PDGFRL: variants seen among roughly 807,000 people sequenced by gnomAD.
The protein encoded by PDGFRL is platelet derived growth factor receptor like.
A neutral mutation model predicts 37.2 loss-of-function variants in PDGFRL; 46 were observed. That is an observed-to-expected ratio of 1.24 (90% CI 0.98 to 1.58). The LOEUF (loss-of-function observed/expected upper bound fraction) is 1.58, where lower values mean the gene tolerates loss of function less well. Ranked by LOEUF, PDGFRL falls within the 40% of genes most tolerant of loss-of-function variation. The pLI, the probability that PDGFRL is intolerant of heterozygous loss-of-function variation, is 0.00. For synonymous variants in PDGFRL, 251 were observed against 184.3 expected (o/e 1.36, Z -2.93); for missense variants, 692 against 467.6 (o/e 1.48, Z -4.43).
At chr8:17,605,385 TTTG>T (rs1330790418) in intron 2 of PDGFRL, among the ~76,000 whole-genome samples, 3 of 152,230 alleles carry the variant, frequency 2.0e-5, no homozygotes, top group African/African-American at 4.8e-5. Flanking sequence ...TTTCTTGCAT[TTTG>T]TTGATAATAT....
rs568506854 is a variant in PDGFRL at position 17,581,128 on chromosome 8, A to G, written c.55+3821A>G. On this transcript the variant is annotated intron_variant, in intron 1 of 5. Transcript: ENST00000251630. ...TCAGCATATCTTTTTAGGGGACACA[A>G]TTCAACCAGTAAGACAGGGTGAGAC... is the stretch of plus-strand genomic sequence containing the variant. 2.1e-4 allele frequency among the ~76,000 whole-genome samples: 32 copies of G among 152,240 alleles called. 1 individual carries two copies. Among genetic ancestry groups the G allele is most frequent in the African/African-American group, 7.0e-4 (29 of 41,528 alleles).
At chr8:17,621,308 A>C (rs1178917125) in intron 3 of PDGFRL, 106 bp downstream of exon 3, 1 of 685,924 alleles carries the variant, frequency 1.5e-6, no homozygotes, top group Non-Finnish European at 2.4e-6. Context: ...CAATCAGAGC[A>C]CTTCCTGTTT....
intron 1 of PDGFRL, among the ~76,000 whole-genome samples, chr8:17,577,619 G>A (rs1296456409): frequency 3.3e-5 from 5 of 151,988 alleles, no homozygotes; most frequent in Admixed American, 1.3e-4. Context: ...CCAGCCCCCA[G>A]TGTCAACGTG....
intron 2 of PDGFRL, among the ~76,000 whole-genome samples, chr8:17,604,639 G>A (rs1393890269): frequency 1.1e-4 from 17 of 152,118 alleles, no homozygotes; most frequent in Admixed American, 1.1e-3. Context: ...AATGCTAAAT[G>A]ACGAGTTAAT....
At chr8:17,611,250 C>T (rs1804405917) in intron 2 of PDGFRL, among the ~76,000 whole-genome samples, 1 of 152,158 alleles carries the variant, frequency 6.6e-6, no homozygotes, top group Non-Finnish European at 1.5e-5. Context: ...ACTCTTGGCA[C>T]TTGTACTTAA....
intron 5 of PDGFRL, among the ~76,000 whole-genome samples, chr8:17,634,538 A>G (rs1306816565): frequency 2.6e-5 from 4 of 151,944 alleles, no homozygotes; most frequent in Non-Finnish European, 5.9e-5. Context: ...TTGCAGCGCC[A>G]TTCACAATAC....
intron 2 of PDGFRL, among the ~76,000 whole-genome samples, chr8:17,616,783 A>C (rs1293388080): frequency 6.6e-6 from 1 of 152,106 alleles, no homozygotes; most frequent in Admixed American, 6.6e-5. Flanking sequence ...TGTCCTCTCC[A>C]GCACCTCCCA....
intron 3 of PDGFRL, among the ~76,000 whole-genome samples, chr8:17,626,911 G>C (rs1384046423): frequency 2.6e-5 from 4 of 152,192 alleles, no homozygotes; most frequent in African/African-American, 7.2e-5. Flanking sequence ...AGAGGAAATG[G>C]GGGGAGATAA....
At chr8:17,602,665 TAC>T (rs1804190938) in intron 2 of PDGFRL, among the ~76,000 whole-genome samples, 4 of 152,190 alleles carry the variant, frequency 2.6e-5, no homozygotes, top group Admixed American at 2.6e-4. Flanking sequence ...GAAAACCTGA[TAC>T]TGGGCTATTT....
chr8:17,623,463 C>G (rs886879793), intron 3 of PDGFRL, among the ~76,000 whole-genome samples: 1 of 152,166 alleles, frequency 6.6e-6, no homozygotes, highest in African/African-American at 2.4e-5. Context: ...ATGACTGATT[C>G]CACATTTCAA....
chr8:17,578,933 C>T (rs1007973423), intron 1 of PDGFRL, among the ~76,000 whole-genome samples: 2 of 152,220 alleles, frequency 1.3e-5, no homozygotes, highest in African/African-American at 4.8e-5. Flanking sequence ...GGCACAGTGG[C>T]TCATGCCTGT....
chr8:17,616,953 A>G (rs1169546105), intron 2 of PDGFRL, among the ~76,000 whole-genome samples: 2 of 152,168 alleles, frequency 1.3e-5, no homozygotes, highest in Non-Finnish European at 2.9e-5. Flanking sequence ...AGTAAGATGC[A>G]CCGGTCCCTA....
chr8:17,579,544 TTTA>T (rs758303902), intron 1 of PDGFRL, among the ~76,000 whole-genome samples: 1 of 130,262 alleles, frequency 7.7e-6, no homozygotes, highest in East Asian at 2.6e-4. Context: ...TTATTATTAT[TTTA>T]TTATTATTGT....
intron 3 of PDGFRL, among the ~76,000 whole-genome samples, chr8:17,623,423 A>G (rs1039633058): frequency 2.0e-5 from 3 of 152,228 alleles, no homozygotes; most frequent in Non-Finnish European, 4.4e-5. Flanking sequence ...GCAACCAACT[A>G]AGATGAATAA....
At chr8:17,600,672 A>G (rs1053887184) in intron 2 of PDGFRL, among the ~76,000 whole-genome samples, 5 of 151,896 alleles carry the variant, frequency 3.3e-5, no homozygotes, top group Non-Finnish European at 7.4e-5. Flanking sequence ...GTGTGGTGGT[A>G]CATGCCTGTA....
intron 5 of PDGFRL, among the ~76,000 whole-genome samples, chr8:17,642,103 T>C (rs1218916169): frequency 6.6e-6 from 1 of 152,116 alleles, no homozygotes; most frequent in Non-Finnish European, 1.5e-5. Context: ...TTTCTCCCAC[T>C]AGAGTCCTAA....
chr8:17,580,253 G>A (rs926136434), intron 1 of PDGFRL, among the ~76,000 whole-genome samples: 6 of 152,028 alleles, frequency 3.9e-5, no homozygotes, highest in Admixed American at 2.0e-4. Flanking sequence ...AAGAAGGTAA[G>A]GACAGAGACA....
At chr8:17,633,246 TA>T (rs1804898966) in intron 4 of PDGFRL, among the ~76,000 whole-genome samples, 1 of 151,988 alleles carries the variant, frequency 6.6e-6, no homozygotes, top group African/African-American at 2.4e-5. Flanking sequence ...TTGGGCAACA[TA>T]GACCAAAAAA....
intron 1 of PDGFRL, among the ~76,000 whole-genome samples, chr8:17,588,927 G>A: frequency 6.6e-6 from 1 of 152,094 alleles, no homozygotes; most frequent in Admixed American, 6.5e-5. Flanking sequence ...GCTCATACAT[G>A]AACTGTTTTG....
Sources: gnomAD v4.1 joint callset for allele counts (sites outside exome capture counted in the v4.1 genomes callset) on GRCh38, gnomAD v4.1.1 for gene constraint, MANE v1.5 for transcripts, NCBI Gene and HGNC (gene_info 2026-07-23, HGNC 2026-07-21) for gene names.